Variants in LARP1 observed in about 807,000 individuals in gnomAD.
The protein encoded by LARP1 is la-related protein 1.
Under a neutral mutation model 122.7 loss-of-function variants are expected in LARP1, and 36 were observed. The ratio of observed to expected loss-of-function variants is 0.29; its 90% CI spans 0.22 to 0.39. LARP1 has a LOEUF of 0.39. Among genes scored for constraint, LARP1 ranks in the 10% least tolerant of loss-of-function variants. LARP1 has a pLI of 1.00. For missense variants in LARP1, 1,040 were observed against 1,403.6 expected (o/e 0.74, Z 4.14); for synonymous variants, 539 against 528.7 (o/e 1.02, Z -0.27).
intron 1 of LARP1, among the ~76,000 whole-genome samples, chr5:154,740,374 C>T (rs1297785545): frequency 9.1e-6 from 1 of 109,626 alleles, no homozygotes; most frequent in African/African-American, 3.5e-5. Flanking sequence ...GCCTGGGCAA[C>T]AAGAGTGAAA....
At chr5:154,782,480 C>A (rs71590155) in intron 1 of LARP1, among the ~76,000 whole-genome samples, 16 of 152,092 alleles carry the variant, frequency 1.1e-4, no homozygotes, top group Non-Finnish European at 4.4e-5. Flanking sequence ...ACTGGGCCAC[C>A]TGGGTCACCA....
chr5:154,759,819 A>G (rs1433766150), intron 1 of LARP1, among the ~76,000 whole-genome samples: 2 of 152,266 alleles, frequency 1.3e-5, no homozygotes, highest in Non-Finnish European at 2.9e-5. Flanking sequence ...AATTAATTAC[A>G]TGAGACATTA....
At position 154,802,364 on chromosome 5, in the gene LARP1, G is replaced by C; in HGVS notation, c.2074G>C (p.Ala692Pro). ...GLFYYEQDLW[A>P]EKFEPEYSQI... ...CTTCTACTATGAGCAGGACCTGTGG[G>C]CTGAAAAGTTTGAACCTGAGTATTC... The change falls in exon 11 of 19, where the codon GCT becomes CCT. Residue 692 changes from alanine to proline, a missense_variant. Ala to Pro is a conservative substitution (Grantham distance 27). Around this residue, in one of 8 missense-constraint regions of LARP1, gnomAD observed 362 missense variants for 533.1 expected, o/e 0.68. Coordinates refer to ENST00000518297, the MANE Select transcript of LARP1 (RefSeq NM_033551.3). The surrounding 1 kb of genome is among the most constrained non-coding windows in gnomAD (Gnocchi z 5.1). 1 of 1,611,074 alleles carries C rather than the reference G, an allele frequency of 6.2e-7. No homozygotes were observed. The highest frequency in any genetic ancestry group is 8.5e-7 in the Non-Finnish European group (1 of 1,178,470).
At chr5:154,786,589 G>T in intron 1 of LARP1, 1 of 420,326 alleles carries the variant, frequency 2.4e-6, no homozygotes, top group Non-Finnish European at 4.8e-6. Context: ...CAGATAAGCT[G>T]CTGGGCCCAG....
At chr5:154,723,887 C>T (rs1292351808) in intron 1 of LARP1, among the ~76,000 whole-genome samples, 2 of 152,210 alleles carry the variant, frequency 1.3e-5, no homozygotes, top group African/African-American at 4.8e-5. Flanking sequence ...GGCATGAGGG[C>T]TACTGATTCT....
chr5:154,763,701 C>A (rs1411799951), intron 1 of LARP1, among the ~76,000 whole-genome samples: 1 of 151,724 alleles, frequency 6.6e-6, no homozygotes, highest in African/African-American at 2.4e-5. Flanking sequence ...CATCCTTTGA[C>A]AATTAAACAC....
intron 1 of LARP1, among the ~76,000 whole-genome samples, chr5:154,738,365 G>A (rs1757029492): frequency 6.6e-6 from 1 of 152,102 alleles, no homozygotes; most frequent in Admixed American, 6.5e-5. Context: ...TGAGAGGTGG[G>A]TGGATCGCCT....
At chr5:154,706,295 AAATAATAATAATAAT>A (rs138415109) in intron 1 of LARP1, among the ~76,000 whole-genome samples, 23 of 142,688 alleles carry the variant, frequency 1.6e-4, no homozygotes, top group Admixed American at 5.0e-4. Flanking sequence ...CTTTGTCTCA[AAATAATAATAATAAT>A]AATAATAATA....
At chr5:154,792,540 C>T (rs1582426449) in intron 3 of LARP1, 82 bp from the exon 4 acceptor site, 6 of 1,317,256 alleles carry the variant, frequency 4.6e-6, no homozygotes, top group East Asian at 2.3e-5. Flanking sequence ...CCTGCCTGCC[C>T]TTCTAGTGAC....
chr5:154,783,103 G>T (rs566880006), intron 1 of LARP1, among the ~76,000 whole-genome samples: 21 of 152,300 alleles, frequency 1.4e-4, no homozygotes, highest in African/African-American at 5.1e-4. Flanking sequence ...AGATGGTATT[G>T]CTGCCTTCCA....
At chr5:154,762,185 G>C (rs375197586) in intron 1 of LARP1, among the ~76,000 whole-genome samples, 85 of 152,306 alleles carry the variant, frequency 5.6e-4, no homozygotes, top group African/African-American at 1.9e-3. Context: ...GGAGGTTGCA[G>C]TGAGCTGAGA....
chr5:154,734,254 G>A (rs971681835), intron 1 of LARP1, among the ~76,000 whole-genome samples: 3 of 151,724 alleles, frequency 2.0e-5, no homozygotes, highest in Non-Finnish European at 4.4e-5. Flanking sequence ...TACATAGGAA[G>A]TATTACTATT....
intron 1 of LARP1, among the ~76,000 whole-genome samples, chr5:154,684,289 T>A (rs1183508620): frequency 6.6e-6 from 1 of 151,834 alleles, no homozygotes; most frequent in Non-Finnish European, 1.5e-5. Context: ...TACAAAAAAA[T>A]TAAAAATTAG....
intron 1 of LARP1, among the ~76,000 whole-genome samples, chr5:154,684,206 G>T (rs1350056329): frequency 1.3e-5 from 2 of 152,130 alleles, no homozygotes; most frequent in African/African-American, 4.8e-5. Context: ...ACTTTGGGAG[G>T]CCAAGGCAGG....
intron 1 of LARP1, among the ~76,000 whole-genome samples, chr5:154,757,591 A>C (rs1475603719): frequency 6.6e-6 from 1 of 152,076 alleles, no homozygotes; most frequent in Non-Finnish European, 1.5e-5. Context: ...AACTGGTTTA[A>C]ACCATCAAAA....
At chr5:154,694,236 A>G (rs892224624) in intron 1 of LARP1, among the ~76,000 whole-genome samples, 1 of 152,038 alleles carries the variant, frequency 6.6e-6, no homozygotes, top group African/African-American at 2.4e-5. Flanking sequence ...AAAAATAAGG[A>G]CCACGTTTTT....
At chr5:154,778,049 CAG>C (rs1645239762) in intron 1 of LARP1, among the ~76,000 whole-genome samples, 1 of 152,054 alleles carries the variant, frequency 6.6e-6, no homozygotes, top group Non-Finnish European at 1.5e-5. Flanking sequence ...ATCACAAGTT[CAG>C]GAGATCGAGA....
intron 1 of LARP1, among the ~76,000 whole-genome samples, chr5:154,772,302 ACTT>A (rs1378698200): frequency 6.6e-6 from 1 of 152,214 alleles, no homozygotes; most frequent in Non-Finnish European, 1.5e-5. Flanking sequence ...TGTCTTTCAC[ACTT>A]CTTGATTTGG....
chr5:154,808,208 C>G (rs934266164), intron 15 of LARP1, among the ~76,000 whole-genome samples: 1 of 152,222 alleles, frequency 6.6e-6, no homozygotes, highest in Non-Finnish European at 1.5e-5. Flanking sequence ...AAGAGCTAGA[C>G]TGCCAGCCTG....
Sources: gnomAD v4.1 joint callset for allele counts (sites outside exome capture counted in the v4.1 genomes callset) on GRCh38, gnomAD v4.1.1 for gene constraint, gnomAD v4.1.1 regional missense constraint, Gnocchi (gnomAD v3.1) non-coding constraint, MANE v1.5 for transcripts, NCBI Gene and HGNC (gene_info 2026-07-23, HGNC 2026-07-21) for gene names.